The following DMD variants were observed in gnomAD, a reference collection of about 807,000 sequenced individuals.
DMD encodes dystrophin, also known as mutant dystrophin.
DMD carries 63 observed loss-of-function variants against 330.1 expected under a neutral mutation model. The ratio of observed to expected loss-of-function variants is 0.19; its 90% CI spans 0.16 to 0.24. The LOEUF is 0.24. Ranked by LOEUF, DMD falls within the 10% of genes least tolerant of loss-of-function variation. The pLI is 1.00. For synonymous variants in DMD, 1,223 were observed against 959.8 expected, an observed-to-expected ratio of 1.27 and a Z score of -5.07; for missense variants, 3,344 against 2,684.1, an observed-to-expected ratio of 1.25 and a Z score of -5.43.
intron 62 of DMD, among the ~76,000 whole-genome samples, chrX:31,269,383 C>T (rs919904950): frequency 1.8e-5 from 2 of 110,841 alleles, no homozygotes; most frequent in Non-Finnish European, 3.8e-5. Context: ...TTGATATGAA[C>T]CACGGACATG....
At chrX:33,097,995 C>A (rs891316124) in intron 1 of DMD, among the ~76,000 whole-genome samples, 2 of 111,399 alleles carry the variant, frequency 1.8e-5, no homozygotes, top group Admixed American at 1.9e-4. Flanking sequence ...CAGAACATTT[C>A]TATTGCAGAA....
In DMD at chrX:32,863,152, C is replaced by T. The variant is rs747425965; in HGVS notation, c.94-13332G>A. The stretch of plus-strand genomic sequence containing the variant: ...CCAATGGTTGCTTTTCTGACAGAAA[C>T]GGTATGGTACAAGGTTGGCAAGATG... On this transcript the variant is annotated intron_variant, in intron 2 of 78. Transcript: ENST00000357033. Among the ~76,000 whole-genome samples the T allele has an allele frequency of 1.3e-4, 15 of 111,215 alleles. No homozygotes were observed. In the South Asian group the frequency reaches 5.3e-3, roughly 39 times the overall value.
At chrX:32,883,417 G>A (rs1470015890) in intron 2 of DMD, among the ~76,000 whole-genome samples, 1 of 111,408 alleles carries the variant, frequency 9.0e-6, no homozygotes, top group African/African-American at 3.3e-5. Flanking sequence ...CCTGATACTA[G>A]CTGGCACTAC....
At chrX:32,949,286 A>G (rs935754199) in intron 2 of DMD, among the ~76,000 whole-genome samples, 1 of 102,814 alleles carries the variant, frequency 9.7e-6, no homozygotes, top group Non-Finnish European at 2.0e-5. Flanking sequence ...ACACACACAC[A>G]CACACGCACA....
intron 2 of DMD, among the ~76,000 whole-genome samples, chrX:32,879,618 A>T (rs973381169): frequency 1.3e-4 from 15 of 112,219 alleles, no homozygotes; most frequent in African/African-American, 4.9e-4. Context: ...TATATGTGTC[A>T]CATATTTTTA....
intron 44 of DMD, among the ~76,000 whole-genome samples, chrX:32,190,657 T>A: frequency 9.7e-6 from 1 of 103,388 alleles, no homozygotes; most frequent in African/African-American, 3.5e-5. Flanking sequence ...TTTCTATCAT[T>A]AAAAAATAAA....
chrX:31,268,161 G>A (rs963202774), intron 62 of DMD, among the ~76,000 whole-genome samples: 1 of 111,805 alleles, frequency 8.9e-6, no homozygotes, highest in Non-Finnish European at 1.9e-5. Flanking sequence ...AAGTGCCTGC[G>A]ATGACAGGTG....
chrX:31,289,268 AAAAAT>A (rs1342546290), intron 62 of DMD, among the ~76,000 whole-genome samples: 21 of 87,461 alleles, frequency 2.4e-4, no homozygotes, highest in Admixed American at 2.3e-3. Flanking sequence ...AAAAAAAATA[AAAAAT>A]AAAATAAAAT....
At chrX:32,447,857 A>G (rs1272094413) in intron 27 of DMD, among the ~76,000 whole-genome samples, 4 of 111,625 alleles carry the variant, frequency 3.6e-5, no homozygotes, top group Non-Finnish European at 7.6e-5. Flanking sequence ...CTAAATTCAG[A>G]TAAGCATAAT....
chrX:32,108,698 A>C (rs1269602441), intron 44 of DMD, among the ~76,000 whole-genome samples: 1 of 111,956 alleles, frequency 8.9e-6, no homozygotes, highest in Non-Finnish European at 1.9e-5. Context: ...TAAAAATTAA[A>C]ATACTTACAG....
At chrX:32,335,122 C>T (rs2097699025) in intron 41 of DMD, among the ~76,000 whole-genome samples, 2 of 110,805 alleles carry the variant, frequency 1.8e-5, no homozygotes, top group Admixed American at 9.8e-5. Flanking sequence ...TAATACTATT[C>T]AGATTCAAAC....
At chrX:32,829,488 T>C (rs915490415) in intron 4 of DMD, among the ~76,000 whole-genome samples, 3 of 111,824 alleles carry the variant, frequency 2.7e-5, no homozygotes, top group Admixed American at 9.5e-5. Flanking sequence ...TCTCGTCTAG[T>C]TTTTATTCTA....
At chrX:32,136,813 A>G (rs2096727770) in intron 44 of DMD, among the ~76,000 whole-genome samples, 1 of 107,401 alleles carries the variant, frequency 9.3e-6, no homozygotes, top group Admixed American at 1.0e-4. Flanking sequence ...GAACAATGAG[A>G]ACACATGGAC....
intron 55 of DMD, among the ~76,000 whole-genome samples, chrX:31,591,695 A>G (rs2076880297): frequency 9.0e-6 from 1 of 110,634 alleles, no homozygotes; most frequent in African/African-American, 3.3e-5. Flanking sequence ...CCAGCCCCCA[A>G]TCCTCGGGGG....
chrX:31,177,893 TTGG>T, intron 71 of DMD, 36 bp downstream of exon 71: 1 of 1,125,591 alleles, frequency 8.9e-7, no homozygotes. Flanking sequence ...AGCGAATGTG[TTGG>T]TGGTAGCAGC....
At chrX:32,708,436 GT>G (rs1226989316) in intron 7 of DMD, among the ~76,000 whole-genome samples, 2 of 111,347 alleles carry the variant, frequency 1.8e-5, no homozygotes, top group Non-Finnish European at 3.8e-5. Flanking sequence ...CCCTGTCCCA[GT>G]TTTTATCTAT....
At chrX:32,830,966 G>A (rs1335151781) in intron 4 of DMD, among the ~76,000 whole-genome samples, 1 of 111,306 alleles carries the variant, frequency 9.0e-6, no homozygotes, top group Non-Finnish European at 1.9e-5. Context: ...GTATGGAGTA[G>A]TCTCCTGCTG....
intron 16 of DMD, among the ~76,000 whole-genome samples, chrX:32,563,169 T>A (rs2051244003): frequency 9.2e-6 from 1 of 108,832 alleles, no homozygotes; most frequent in African/African-American, 3.4e-5. Context: ...TGAAACCCCA[T>A]CTCTACTAAA....
intron 9 of DMD, among the ~76,000 whole-genome samples, chrX:32,673,313 T>A (rs1312461411): frequency 9.0e-6 from 1 of 111,465 alleles, no homozygotes; most frequent in Non-Finnish European, 1.9e-5. Context: ...TCCTAAGTCA[T>A]GTGCCTTACG....
Sources: gnomAD v4.1 joint callset for allele counts (sites outside exome capture counted in the v4.1 genomes callset) on GRCh38, gnomAD v4.1.1 for gene constraint, MANE v1.5 for transcripts, NCBI Gene and HGNC (gene_info 2026-07-23, HGNC 2026-07-21) for gene names.